The following KIF15 variants were observed in gnomAD, a reference collection of about 807,000 sequenced individuals.
KIF15 encodes the protein kinesin-like protein KIF15.
Under a neutral mutation model 190.6 loss-of-function variants are expected in KIF15, and 140 were observed. The observed-to-expected ratio is 0.73, with a 90% CI of 0.64 to 0.84. The LOEUF (loss-of-function observed/expected upper bound fraction) is 0.84, where lower values mean the gene tolerates loss of function less well. Ranked by LOEUF, KIF15 falls within the 40% of genes least tolerant of loss-of-function variation. The pLI is 0.00. For missense variants in KIF15, 1,372 were observed against 1,584.4 expected (o/e 0.87, Z 2.28); for synonymous variants, 528 against 551.3 (o/e 0.96, Z 0.59).
rs758234349 is a variant in KIF15 at position 44,775,362 on chromosome 3, G to A, written c.171G>A (p.Thr57=). 80 of 1,613,898 alleles carry A rather than the reference G, an allele frequency of 5.0e-5. No homozygotes were observed. The highest frequency in any genetic ancestry group is 6.1e-5 in the Non-Finnish European group (72 of 1,179,982). ...TATGCTTATCTGTGCTGTCCTCCAC[G>A]AGTCTCCGGCTGCACTCCAACCCTG... ...QNLCLSVLSS[T]SLRLHSNPEP... is the part of the protein sequence containing the mutation. Residue 57 remains threonine, a synonymous_variant, in exon 3 of 35, where the codon ACG becomes ACA. Coordinates refer to ENST00000326047, the MANE Select transcript of KIF15 (RefSeq NM_020242.3).
intron 1 of KIF15, among the ~76,000 whole-genome samples, chr3:44,773,572 A>G (rs1488090679): frequency 6.6e-6 from 1 of 152,224 alleles, no homozygotes; most frequent in Admixed American, 6.5e-5. Flanking sequence ...CTCAAAAAAA[A>G]GAAGGAAAAT....
chr3:44,781,991 G>GT lies in KIF15; in HGVS notation c.361+1078dup, dbSNP rs567956504. ...TCATTTGTCTTTTGACTTACTTAAG[G>GT]TTTTTTTTTCTATGCTAAAGTTTTA... On this transcript the variant is annotated intron_variant, in intron 5 of 34. Transcript: ENST00000326047. 2.0e-3 allele frequency among the ~76,000 whole-genome samples: 307 copies of GT among 150,836 alleles called. 1 individual carries two copies. Among genetic ancestry groups the GT allele is most frequent in the Non-Finnish European group, 3.9e-3 (261 of 67,656 alleles).
intron 1 of KIF15, 91 bp downstream of exon 1, chr3:44,761,975 T>C: frequency 6.5e-7 from 1 of 1,545,260 alleles, no homozygotes; most frequent in South Asian, 1.1e-5. Flanking sequence ...GCAAGGTTCT[T>C]GCTAGGCATG....
In KIF15 at chr3:44,810,708, T is replaced by A. The variant is rs1707742999; in HGVS notation, c.1972-138T>A. On this transcript the variant is annotated intron_variant, in intron 16 of 34. Coordinates refer to ENST00000326047, the MANE Select transcript of KIF15 (RefSeq NM_020242.3). ...TAAATTTATTTCCACTTGGGCATTT[T>A]TGTACTGTGTCTCAAGGGTACTTTT... is the stretch of plus-strand genomic sequence containing the variant. 14 of 681,560 alleles carry A rather than the reference T, an allele frequency of 2.1e-5. No homozygotes were observed. The South Asian group carries it at 2.9e-4, about 14-fold the overall frequency. The allele number at this position is 681,560 out of a possible 1,614,324, so 42.2% of individuals were successfully genotyped here. A position where few individuals can be genotyped will look rare whatever the true frequency, so the allele number is the denominator to read the frequency against.
intron 3 of KIF15, among the ~76,000 whole-genome samples, chr3:44,777,889 A>T (rs969190507): frequency 2.6e-5 from 4 of 152,206 alleles, no homozygotes; most frequent in African/African-American, 9.6e-5. Flanking sequence ...GCTCTACAAA[A>T]TTCTGTATAA....
rs141795699 is a variant in KIF15 at position 44,865,281 on chromosome 3, T to C, written c.*60-8048T>C. 6.1e-4 allele frequency: 914 copies of C among 1,510,368 alleles called. 4 individuals are homozygous for C. In the East Asian group the frequency reaches 0.018, roughly 30 times the overall value. The allele number at this position is 1,510,368 out of a possible 1,614,324, so 93.6% of individuals were successfully genotyped here. A position where few individuals can be genotyped will look rare whatever the true frequency, so the allele number is the denominator to read the frequency against. ...CCTAGGGCGATCCAGTTGTGCAGCC[T>C]TCTGACCATCAGCCAAGGGAAGCAG... On this transcript the variant is annotated intron_variant and NMD_transcript_variant, in intron 6 of 6. Coordinates refer to the KIF15 transcript ENST00000422209.
chr3:44,793,528 T>C (rs1288110431), intron 7 of KIF15, among the ~76,000 whole-genome samples: 1 of 152,202 alleles, frequency 6.6e-6, no homozygotes, highest in Non-Finnish European at 1.5e-5. Context: ...TTCTGTAATG[T>C]GGAAAGGGAA....
chr3:44,831,107 C>T (rs1698049019), intron 26 of KIF15, 89 bp downstream of exon 26: 1 of 1,405,942 alleles, frequency 7.1e-7, no homozygotes. Context: ...TGAATAAATA[C>T]AGGATTTTTA....
chr3:44,761,828 C>G lies in KIF15; in HGVS notation c.-38C>G, dbSNP rs184678594. 6.2e-7 allele frequency: 1 copy of G among 1,613,958 alleles called. No homozygotes were observed. Among genetic ancestry groups the G allele is most frequent in the Non-Finnish European group, 8.5e-7 (1 of 1,179,986 alleles). ...CGGTGCAGTCGGGAGGTGGAGGCACCGGCTGCATTGTTTTCGGGATCGAGG... is the reference window on the plus strand; with the variant it reads ...CGGTGCAGTCGGGAGGTGGAGGCACGGGCTGCATTGTTTTCGGGATCGAGG... On this transcript the variant is annotated 5_prime_UTR_variant, in exon 1 of 35. Coordinates refer to ENST00000326047, the MANE Select transcript of KIF15 (RefSeq NM_020242.3).
chr3:44,795,809 AAGTG>A (rs1432322542), intron 8 of KIF15, among the ~76,000 whole-genome samples: 7 of 152,282 alleles, frequency 4.6e-5, no homozygotes, highest in African/African-American at 1.7e-4. Flanking sequence ...TTTTCATTAA[AAGTG>A]AGGATTTGAG....
intron 14 of KIF15, among the ~76,000 whole-genome samples, chr3:44,804,237 T>TA (rs1275035885): frequency 6.6e-6 from 1 of 152,168 alleles, no homozygotes; most frequent in Non-Finnish European, 1.5e-5. Flanking sequence ...TACCTTGACT[T>TA]ACTCCCTTCA....
chr3:44,814,992 G>T lies in KIF15; in HGVS notation c.2465G>T (p.Ser822Ile). 6.2e-7 allele frequency: 1 copy of T among 1,613,186 alleles called. No individual in the cohort carries two copies. The change falls in exon 20 of 35, where the codon AGT becomes ATT. Residue 822 changes from serine (S) to isoleucine (I), a missense_variant. Physicochemically the swap from Ser to Ile is moderately radical, Grantham distance 142. Coordinates refer to ENST00000326047, the MANE Select transcript of KIF15 (RefSeq NM_020242.3). ...CTTTCTTCAGTGAAATTGGAATATA[G>T]TTCATTCAAAACGAATCAGGAGAAA... ...KELSSVKLEY[S>I]SFKTNQEKEF...
At chr3:44,797,280 C>T (rs921896639) in intron 8 of KIF15, among the ~76,000 whole-genome samples, 5 of 152,136 alleles carry the variant, frequency 3.3e-5, no homozygotes, top group Non-Finnish European at 4.4e-5. Context: ...CTGCCCACCT[C>T]GGCCTCCCAA....
Position 44,761,827 on chromosome 3 carries a change from C to A in KIF15, c.-39C>A. The A allele has an allele frequency of 6.2e-7, 1 of 1,614,124 alleles. No homozygotes were observed. Among genetic ancestry groups the A allele is most frequent in the East Asian group, 2.2e-5 (1 of 44,878 alleles). On this transcript the variant is annotated 5_prime_UTR_variant, in exon 1 of 35. Transcript: ENST00000326047. ...GCGGTGCAGTCGGGAGGTGGAGGCACCGGCTGCATTGTTTTCGGGATCGAG... is the reference window on the plus strand; with the variant it reads ...GCGGTGCAGTCGGGAGGTGGAGGCAACGGCTGCATTGTTTTCGGGATCGAG...
Position 44,813,938 on chromosome 3 carries a change from C to A in KIF15, c.2383+758C>A, listed in dbSNP as rs1707918076. The stretch of plus-strand genomic sequence containing the variant: ...CAGCCTGCTTAAAGTTTTAGATAAG[C>A]TGCTTTGAAAATGAAGTGTCTTGAA... On this transcript the variant is annotated intron_variant, in intron 19 of 34. Transcript: ENST00000326047. Among the ~76,000 whole-genome samples, 3 of 152,148 alleles carry A rather than the reference C, an allele frequency of 2.0e-5. No homozygotes were observed. The South Asian group carries it at 6.2e-4, about 31-fold the overall frequency.
At chr3:44,820,336 TC>T (rs1437043403) in intron 20 of KIF15, among the ~76,000 whole-genome samples, 5 of 149,190 alleles carry the variant, frequency 3.4e-5, no homozygotes, top group Non-Finnish European at 5.9e-5. Flanking sequence ...CTTTTTTTTT[TC>T]CTTTTTTTTT....
chr3:44,858,461 G>A (rs964250654), intron 6 of KIF15, among the ~76,000 whole-genome samples: 1 of 152,140 alleles, frequency 6.6e-6, no homozygotes, highest in African/African-American at 2.4e-5. Flanking sequence ...GTTTTAATGG[G>A]ATAGTAATGC....
intron 32 of KIF15, among the ~76,000 whole-genome samples, chr3:44,849,271 A>G (rs1356437741): frequency 6.6e-6 from 1 of 152,164 alleles, no homozygotes; most frequent in Non-Finnish European, 1.5e-5. Context: ...TTTCATTGTA[A>G]GTTTAAATTG....
At position 44,788,356 on chromosome 3, in the gene KIF15, G is replaced by A. The variant is rs559420152; in HGVS notation, c.639+1782G>A. On this transcript the variant is annotated intron_variant, in intron 7 of 34. Coordinates refer to ENST00000326047, the MANE Select transcript of KIF15 (RefSeq NM_020242.3). ...AACATGTTAACACGATAAAGTACTC[G>A]ATTAAGATTTGCTATTATTTTGTTT... 1.1e-4 allele frequency among the ~76,000 whole-genome samples: 16 copies of A among 152,212 alleles called. No homozygotes were observed. The South Asian group carries it at 2.5e-3, about 24-fold the overall frequency.
Sources: allele counts gnomAD v4.1 joint callset (sites outside exome capture counted in the v4.1 genomes callset), GRCh38; gene constraint gnomAD v4.1.1; transcripts MANE v1.5; gene names NCBI Gene and HGNC (gene_info 2026-07-23, HGNC 2026-07-21).